GFRA1: variants seen among roughly 807,000 people sequenced by gnomAD.
The protein encoded by GFRA1 is GDNF family receptor alpha 1.
GFRA1 carries 16 observed loss-of-function variants against 51.6 expected under a neutral mutation model. The ratio of observed to expected loss-of-function variants is 0.31; its 90% CI spans 0.21 to 0.47. The LOEUF is 0.47. Ranked by LOEUF, GFRA1 falls within the 20% of genes least tolerant of loss-of-function variation. The pLI is 1.00. For synonymous variants in GFRA1, 270 were observed against 241.3 expected (o/e 1.12, Z -1.10); for missense variants, 530 against 594.3 (o/e 0.89, Z 1.13).
At chr10:116,252,839 A>C (rs1968499235) in intron 4 of GFRA1, among the ~76,000 whole-genome samples, 1 of 152,232 alleles carries the variant, frequency 6.6e-6, no homozygotes, top group African/African-American at 2.4e-5. Context: ...TACATTTGAC[A>C]AATCAGGAAA....
rs373448133 is a variant in GFRA1 at position 116,083,658 on chromosome 10, T to C, written c.1197+6083A>G. Among the ~76,000 whole-genome samples the C allele has an allele frequency of 6.0e-4, 91 of 152,258 alleles. 1 individual carries two copies. The South Asian group carries it at 0.018, about 30-fold the overall frequency. On this transcript the variant is annotated intron_variant, in intron 9 of 10. Transcript: ENST00000355422. ...CACAGCCAGTGGAGTCCTGGGTATT[T>C]GGTAGGCTTGGATAATTGCCTTCCC...
chr10:116,190,289 T>C (rs547155723), intron 5 of GFRA1, among the ~76,000 whole-genome samples: 2 of 152,278 alleles, frequency 1.3e-5, no homozygotes, highest in African/African-American at 4.8e-5. Context: ...AGAGGGTGTT[T>C]GAAATCCAAC....
intron 4 of GFRA1, among the ~76,000 whole-genome samples, chr10:116,223,969 C>T (rs1230798361): frequency 6.6e-6 from 1 of 152,156 alleles, no homozygotes; most frequent in Non-Finnish European, 1.5e-5. Flanking sequence ...TCACAGTTGA[C>T]ACAGCATTCC....
At chr10:116,096,786 G>T (rs551851074) in intron 6 of GFRA1, 22 bp from the exon 7 acceptor site, 9 of 1,340,368 alleles carry the variant, frequency 6.7e-6, no homozygotes, top group South Asian at 3.6e-5. Context: ...AAAAAGGGGT[G>T]GGGGGTGGAA....
chr10:116,244,996 GT>G (rs1967751111), intron 4 of GFRA1, among the ~76,000 whole-genome samples: 1 of 152,172 alleles, frequency 6.6e-6, no homozygotes, highest in South Asian at 2.1e-4. Flanking sequence ...AGAAACAATA[GT>G]TAGACATTCT....
chr10:116,100,501 G>GCC (rs1956777142), intron 6 of GFRA1, among the ~76,000 whole-genome samples: 1 of 152,158 alleles, frequency 6.6e-6, no homozygotes, highest in African/African-American at 2.4e-5. Context: ...CACTCAGGAT[G>GCC]CCCAGGCCAC....
intron 9 of GFRA1, among the ~76,000 whole-genome samples, chr10:116,087,212 T>C (rs994981757): frequency 6.6e-6 from 1 of 152,090 alleles, no homozygotes; most frequent in Non-Finnish European, 1.5e-5. Flanking sequence ...CAGATCTGTG[T>C]TGGGGGCAAA....
intron 4 of GFRA1, among the ~76,000 whole-genome samples, chr10:116,228,068 G>A (rs144724802): frequency 1.7e-3 from 257 of 152,288 alleles, no homozygotes; most frequent in African/African-American, 5.7e-3. Flanking sequence ...ACCTGACTTC[G>A]CGTTTCAAAA....
intron 5 of GFRA1, among the ~76,000 whole-genome samples, chr10:116,194,578 A>G (rs966390349): frequency 2.0e-5 from 3 of 152,162 alleles, no homozygotes; most frequent in African/African-American, 7.2e-5. Context: ...ATACAGAATT[A>G]CCCTACATCT....
intron 6 of GFRA1, among the ~76,000 whole-genome samples, chr10:116,120,456 G>C (rs1287094841): frequency 1.3e-5 from 2 of 152,034 alleles, no homozygotes; most frequent in Non-Finnish European, 2.9e-5. Context: ...ATGGTAGCAT[G>C]CACCTGTAGT....
At chr10:116,103,911 G>T (rs2694789) in intron 6 of GFRA1, among the ~76,000 whole-genome samples, 29,726 of 152,092 alleles carry the variant, frequency 0.2, 3,041 homozygotes, top group African/African-American at 0.24. Context: ...TTGCTGTCTG[G>T]GCTGTGCATC....
At chr10:116,091,660 T>C (rs980749149) in intron 8 of GFRA1, among the ~76,000 whole-genome samples, 13 of 152,190 alleles carry the variant, frequency 8.5e-5, no homozygotes, top group Admixed American at 7.2e-4. Flanking sequence ...GAAAGGAGAA[T>C]CTGGGAGAGG....
chr10:116,075,348 T>G (rs1031743884), intron 9 of GFRA1, among the ~76,000 whole-genome samples: 3 of 152,232 alleles, frequency 2.0e-5, no homozygotes, highest in Non-Finnish European at 4.4e-5. Context: ...GGTCACCGGA[T>G]GCCGCCTCGG....
In GFRA1 at chr10:116,117,601, G is replaced by A. The variant is rs111738915; in HGVS notation, c.770+7620C>T. On this transcript the variant is annotated intron_variant, in intron 6 of 10. Coordinates refer to ENST00000355422, the MANE Select transcript of GFRA1 (RefSeq NM_005264.8). ...GATGGATGGATGGATGGATGGATGG[G>A]TGGATGGGTGGATGGATAGATAAAT... is the stretch of plus-strand genomic sequence containing the variant. 8.1e-3 allele frequency among the ~76,000 whole-genome samples: 961 copies of A among 118,260 alleles called. 32 individuals carry two copies. Among genetic ancestry groups the A allele is most frequent in the African/African-American group, 0.035 (873 of 25,154 alleles). The allele number at this position is 118,260 out of a possible 152,430, so 77.6% of individuals were successfully genotyped here.
At chr10:116,175,529 C>T (rs1039735308) in intron 5 of GFRA1, among the ~76,000 whole-genome samples, 4 of 152,186 alleles carry the variant, frequency 2.6e-5, no homozygotes, top group African/African-American at 7.2e-5. Flanking sequence ...ACAATCCTCG[C>T]CTGGGAACCC....
At chr10:116,129,925 A>G (rs1186272419) in intron 5 of GFRA1, among the ~76,000 whole-genome samples, 1 of 151,912 alleles carries the variant, frequency 6.6e-6, no homozygotes, top group Admixed American at 6.6e-5. Flanking sequence ...ATAATTATAT[A>G]TATTATGAAG....
upstream of GFRA1, among the ~76,000 whole-genome samples, chr10:116,274,337 G>A (rs1441708695): frequency 1.3e-5 from 2 of 152,178 alleles, no homozygotes; most frequent in African/African-American, 4.8e-5. Context: ...TCAAATCTGC[G>A]TGCGCCCAGC....
intron 4 of GFRA1, among the ~76,000 whole-genome samples, chr10:116,233,340 A>AT (rs201515177): frequency 6.6e-6 from 1 of 152,006 alleles, no homozygotes; most frequent in African/African-American, 2.4e-5. Flanking sequence ...AAAAAAAAAA[A>AT]ATTTTTTAAT....
chr10:116,194,056 A>G (rs933426354), intron 5 of GFRA1, among the ~76,000 whole-genome samples: 1 of 50,896 alleles, frequency 2.0e-5, no homozygotes, highest in Non-Finnish European at 3.8e-5. Context: ...AAAAATAAAT[A>G]AATAAAATTT....
Sources: gnomAD v4.1 joint callset for allele counts (sites outside exome capture counted in the v4.1 genomes callset) on GRCh38, gnomAD v4.1.1 for gene constraint, MANE v1.5 for transcripts, NCBI Gene and HGNC (gene_info 2026-07-23, HGNC 2026-07-21) for gene names.